EPM2A: variants seen among roughly 807,000 people sequenced by gnomAD.
EPM2A encodes EPM2A glucan phosphatase, laforin, also known as laforin.
Under a neutral mutation model 26.5 loss-of-function variants are expected in EPM2A, and 21 were observed. The observed-to-expected ratio is 0.79, with a 90% CI of 0.56 to 1.14. The LOEUF (loss-of-function observed/expected upper bound fraction) is 1.14, where lower values mean the gene tolerates loss of function less well. Ranked by LOEUF, EPM2A falls within the 50% of genes most tolerant of loss-of-function variation. EPM2A has a pLI of 0.00. For synonymous variants in EPM2A, 217 were observed against 177.6 expected (o/e 1.22, Z -1.76); for missense variants, 458 against 440.8 (o/e 1.04, Z -0.35).
At chr6:145,713,001 C>T (rs1440777516) in intron 1 of EPM2A, among the ~76,000 whole-genome samples, 3 of 152,148 alleles carry the variant, frequency 2.0e-5, no homozygotes, top group African/African-American at 7.2e-5. Flanking sequence ...CTGCTATCAT[C>T]GTTTAAAAAG....
At chr6:145,726,344 G>T (rs1201102529) in intron 1 of EPM2A, among the ~76,000 whole-genome samples, 1 of 151,902 alleles carries the variant, frequency 6.6e-6, no homozygotes, top group East Asian at 1.9e-4. Context: ...AATAAATGAG[G>T]GAGAAGAGAC....
At chr6:145,402,070 G>A (rs141790164) in intron 4 of EPM2A, among the ~76,000 whole-genome samples, 119 of 152,096 alleles carry the variant, frequency 7.8e-4, no homozygotes, top group African/African-American at 2.6e-3. Flanking sequence ...GGGGAATAAC[G>A]GCATATTTGC....
At chr6:145,622,703 G>A (rs971266422), downstream of EPM2A, among the ~76,000 whole-genome samples, 6 of 152,140 alleles carry the variant, frequency 3.9e-5, no homozygotes, top group African/African-American at 4.8e-5. Context: ...CTAGAATAGC[G>A]GCATGGAACA....
intron 2 of EPM2A, among the ~76,000 whole-genome samples, chr6:145,680,392 T>A (rs1266844628): frequency 1.3e-5 from 2 of 151,328 alleles, no homozygotes; most frequent in Non-Finnish European, 2.9e-5. Context: ...TATTTTATTT[T>A]ATTTTATTAT....
intron 2 of EPM2A, chr6:145,639,751 C>CA (rs35161503): frequency 6.6e-6 from 1 of 152,064 alleles, no homozygotes; most frequent in Non-Finnish European, 1.5e-5. Context: ...AATGTATATC[C>CA]ATGTGTTTAA....
intron 1 of EPM2A, among the ~76,000 whole-genome samples, chr6:145,713,020 C>G (rs143791194): frequency 1.8e-3 from 281 of 152,318 alleles, no homozygotes; most frequent in African/African-American, 6.1e-3. Flanking sequence ...AGTGTCTTGA[C>G]TGTGATGGAA....
intron 2 of EPM2A, among the ~76,000 whole-genome samples, chr6:145,524,441 C>T (rs1358564338): frequency 1.3e-5 from 2 of 151,926 alleles, no homozygotes; most frequent in Non-Finnish European, 2.9e-5. Context: ...GCCCCACCAA[C>T]ATTTTTCACC....
At chr6:145,498,225 A>G (rs1779845590), downstream of EPM2A, among the ~76,000 whole-genome samples, 1 of 152,180 alleles carries the variant, frequency 6.6e-6, no homozygotes, top group Non-Finnish European at 1.5e-5. Context: ...CTGTCCTGGG[A>G]AGGCACAACA....
chr6:145,391,509 C>T (rs981907405), intron 4 of EPM2A, among the ~76,000 whole-genome samples: 3 of 152,312 alleles, frequency 2.0e-5, no homozygotes, highest in African/African-American at 4.8e-5. Context: ...AGCTTAGACA[C>T]ATGTGCCTGC....
At chr6:145,687,330 G>A (rs1039551437) in intron 1 of EPM2A, among the ~76,000 whole-genome samples, 3 of 151,676 alleles carry the variant, frequency 2.0e-5, no homozygotes, top group African/African-American at 7.3e-5. Flanking sequence ...ACTGAATCTG[G>A]TATGCCTCAA....
At chr6:145,491,914 TAGA>T (rs201794782) in intron 4 of EPM2A, 13,692 of 478,190 alleles carry the variant, frequency 0.029, 1,560 homozygotes, top group African/African-American at 0.24. Context: ...AAAGAATTTA[TAGA>T]AGAACTTACT....
At chr6:145,698,115 G>A (rs564516915) in intron 1 of EPM2A, among the ~76,000 whole-genome samples, 10 of 152,254 alleles carry the variant, frequency 6.6e-5, no homozygotes, top group East Asian at 5.8e-4. Context: ...CACAATCCAC[G>A]TTCTTCTGCC....
At chr6:145,455,353 C>G (rs909316233) in intron 4 of EPM2A, among the ~76,000 whole-genome samples, 1 of 152,116 alleles carries the variant, frequency 6.6e-6, no homozygotes, top group African/African-American at 2.4e-5. Flanking sequence ...CAATATACAA[C>G]TAAAAAAATT....
At position 145,661,209 on chromosome 6, in the gene EPM2A, G is replaced by A. The variant is rs1341110855; in HGVS notation, c.476+24913C>T. Among the ~76,000 whole-genome samples the A allele has an allele frequency of 3.3e-5, 5 of 152,264 alleles. No homozygotes were observed. The South Asian group carries it at 6.2e-4, about 19-fold the overall frequency. On this transcript the variant is annotated intron_variant, in intron 2 of 3. Coordinates refer to ENST00000367519, the MANE Select transcript of EPM2A (RefSeq NM_005670.4). Reference sequence around the variant, plus strand: ...CATTCCTATGTAAAGTTTTATAAACGCCCTTTCACAATCTGCAGTTCACCA... The same window carrying A: ...CATTCCTATGTAAAGTTTTATAAACACCCTTTCACAATCTGCAGTTCACCA...
intron 2 of EPM2A, among the ~76,000 whole-genome samples, chr6:145,684,539 C>T (rs978171064): frequency 6.6e-6 from 1 of 152,106 alleles, no homozygotes; most frequent in Non-Finnish European, 1.5e-5. Context: ...AATATTTTTG[C>T]TTCTTCTCTT....
chr6:145,628,368 AAT>A (rs1184686019), intron 3 of EPM2A: 1 of 153,642 alleles, frequency 6.5e-6, no homozygotes, highest in Non-Finnish European at 1.4e-5. Flanking sequence ...AGATTATTCA[AAT>A]ATCTTCTCAA....
intron 2 of EPM2A, among the ~76,000 whole-genome samples, chr6:145,607,682 G>C (rs778213768): frequency 1.3e-5 from 2 of 152,262 alleles, no homozygotes; most frequent in Non-Finnish European, 2.9e-5. Context: ...AAAGAATGCA[G>C]AAGAGGTAAA....
intron 4 of EPM2A, among the ~76,000 whole-genome samples, chr6:145,412,747 A>G (rs984964228): frequency 2.0e-5 from 3 of 152,210 alleles, no homozygotes; most frequent in African/African-American, 7.2e-5. Context: ...AGAGAAAAGT[A>G]TAACTTCTGT....
chr6:145,646,032 C>T (rs966752217), intron 2 of EPM2A, among the ~76,000 whole-genome samples: 2 of 152,152 alleles, frequency 1.3e-5, no homozygotes, highest in Non-Finnish European at 2.9e-5. Context: ...ATTAATTTTT[C>T]CCTTAAACAA....
Sources: gnomAD v4.1 joint callset for allele counts (sites outside exome capture counted in the v4.1 genomes callset) on GRCh38, gnomAD v4.1.1 for gene constraint, MANE v1.5 for transcripts, NCBI Gene and HGNC (gene_info 2026-07-23, HGNC 2026-07-21) for gene names.